Variants in MAN1C1 observed in about 807,000 individuals in gnomAD.
MAN1C1 encodes the protein mannosyl-oligosaccharide 1,2-alpha-mannosidase IC.
A neutral mutation model predicts 71.5 loss-of-function variants in MAN1C1; 49 were observed. The ratio of observed to expected loss-of-function variants is 0.69; its 90% CI spans 0.54 to 0.87. The LOEUF (loss-of-function observed/expected upper bound fraction) is 0.87, where lower values mean the gene tolerates loss of function less well. Among genes scored for constraint, MAN1C1 ranks in the 40% least tolerant of loss-of-function variants. The probability of loss-of-function intolerance (pLI) is 0.00; values close to 1 mark genes in which losing one functional copy is unlikely to be tolerated. For missense variants in MAN1C1, 743 were observed against 835.0 expected (o/e 0.89, Z 1.36); for synonymous variants, 352 against 343.7 (o/e 1.02, Z -0.27).
At chr1:25,732,489 GT>G (rs1247199367) in intron 2 of MAN1C1, among the ~76,000 whole-genome samples, 2 of 152,222 alleles carry the variant, frequency 1.3e-5, no homozygotes, top group Non-Finnish European at 2.9e-5. Context: ...CTCCTCAGGT[GT>G]TGTGAGACTT....
intron 2 of MAN1C1, among the ~76,000 whole-genome samples, chr1:25,723,003 G>A (rs2046786505): frequency 1.3e-5 from 2 of 152,148 alleles, no homozygotes; most frequent in Non-Finnish European, 2.9e-5. Flanking sequence ...CTTGTAGGGC[G>A]TACTCTTTGT....
intron 2 of MAN1C1, among the ~76,000 whole-genome samples, chr1:25,722,664 C>G (rs2046782289): frequency 6.6e-6 from 1 of 152,188 alleles, no homozygotes. Context: ...AAGTTTTCTT[C>G]TTCCTGCAGA....
intron 2 of MAN1C1, among the ~76,000 whole-genome samples, chr1:25,713,420 G>T (rs917094996): frequency 2.6e-5 from 4 of 152,210 alleles, no homozygotes; most frequent in Admixed American, 6.5e-5. Flanking sequence ...AAATTCATAC[G>T]CAGGTTTTGA....
At chr1:25,632,691 G>A (rs2045400492) in intron 1 of MAN1C1, among the ~76,000 whole-genome samples, 1 of 152,038 alleles carries the variant, frequency 6.6e-6, no homozygotes, top group Non-Finnish European at 1.5e-5. Flanking sequence ...TTGTGTCACT[G>A]TTATTCATTT....
At chr1:25,619,904 A>G (rs943251318) in intron 1 of MAN1C1, among the ~76,000 whole-genome samples, 3 of 152,190 alleles carry the variant, frequency 2.0e-5, no homozygotes, top group Non-Finnish European at 4.4e-5. Context: ...GCATGCATGC[A>G]GTTTTTCATG....
chr1:25,689,982 C>G (rs535361619), intron 2 of MAN1C1, among the ~76,000 whole-genome samples: 1 of 152,272 alleles, frequency 6.6e-6, no homozygotes, highest in African/African-American at 2.4e-5. Flanking sequence ...GGAGCTGCAG[C>G]GAGGGCAGTC....
intron 1 of MAN1C1, among the ~76,000 whole-genome samples, chr1:25,666,270 GTTCTCTGTCT>G (rs1470580282): frequency 6.6e-6 from 1 of 152,126 alleles, no homozygotes; most frequent in Admixed American, 6.6e-5. Context: ...TTGCATTTCG[GTTCTCTGTCT>G]TTTTGCGTCG....
At position 25,776,959 on chromosome 1, in the gene MAN1C1, G is replaced by A. The variant is rs2047626935; in HGVS notation, c.1258-1146G>A. On this transcript the variant is annotated intron_variant, in intron 8 of 11. Coordinates refer to ENST00000374332, the MANE Select transcript of MAN1C1 (RefSeq NM_020379.4). The surrounding 1 kb of genome is among the most constrained non-coding windows in gnomAD (Gnocchi z 4.3). ...ACACGTTAGGAAACTGAGGCACAGA[G>A]AGAACATACAACCTGCCCAGTGTCA... is the stretch of plus-strand genomic sequence containing the variant. Among the ~76,000 whole-genome samples the A allele has an allele frequency of 6.6e-6, 1 of 152,184 alleles. No individual in the cohort carries two copies. The highest frequency in any genetic ancestry group is 2.4e-5 in the African/African-American group (1 of 41,438).
chr1:25,768,467 C>T (rs1347532881), intron 7 of MAN1C1, among the ~76,000 whole-genome samples: 1 of 132,410 alleles, frequency 7.6e-6, no homozygotes, highest in Non-Finnish European at 1.6e-5. Context: ...TCCCCTCACA[C>T]ACACACATTA....
intron 3 of MAN1C1, 68 bp from the exon 4 acceptor site, chr1:25,749,187 T>G (rs1572192819): frequency 7.6e-7 from 1 of 1,319,406 alleles, no homozygotes; most frequent in Non-Finnish European, 1.1e-6. Context: ...GTGGCCAGGG[T>G]GACCTGTCTC....
At position 25,740,001 on chromosome 1, in the gene MAN1C1, G is replaced by A. The variant is rs183756297; in HGVS notation, c.638-6667G>A. Among the ~76,000 whole-genome samples the A allele has an allele frequency of 1.7e-4, 26 of 152,158 alleles. 1 individual carries two copies. Among genetic ancestry groups the A allele is most frequent in the Admixed American group, 1.0e-3 (16 of 15,302 alleles). Reference sequence around the variant, plus strand: ...CTTTCTTTCATTCCTAAATACTTACGGGCCCCCGTGGGGGCTGGAAAGTGT... The same window carrying A: ...CTTTCTTTCATTCCTAAATACTTACAGGCCCCCGTGGGGGCTGGAAAGTGT... On this transcript the variant is annotated intron_variant, in intron 2 of 11. Coordinates refer to ENST00000374332, the MANE Select transcript of MAN1C1 (RefSeq NM_020379.4).
chr1:25,684,502 T>C (rs1363181002), intron 1 of MAN1C1, among the ~76,000 whole-genome samples: 2 of 152,200 alleles, frequency 1.3e-5, no homozygotes, highest in African/African-American at 4.8e-5. Context: ...TGTGCTGCCA[T>C]GACCACTTCT....
chr1:25,756,917 C>G (rs17163220), intron 5 of MAN1C1, among the ~76,000 whole-genome samples: 12,526 of 152,170 alleles, frequency 0.082, 775 homozygotes, highest in East Asian at 0.23. Context: ...AGATCAGGAG[C>G]CAAGTTTCCC....
At chr1:25,684,371 C>T (rs972032473) in intron 1 of MAN1C1, among the ~76,000 whole-genome samples, 4 of 152,206 alleles carry the variant, frequency 2.6e-5, no homozygotes, top group Non-Finnish European at 5.9e-5. Flanking sequence ...CCATGCCAAG[C>T]CCTTGGCTGT....
chr1:25,738,653 A>G (rs1468309619), intron 2 of MAN1C1, among the ~76,000 whole-genome samples: 6 of 152,214 alleles, frequency 3.9e-5, no homozygotes, highest in Admixed American at 3.9e-4. Flanking sequence ...TGGTAGTATT[A>G]TCTGGAAGCT....
intron 1 of MAN1C1, among the ~76,000 whole-genome samples, chr1:25,666,690 G>A (rs2045929250): frequency 1.3e-5 from 2 of 152,214 alleles, no homozygotes; most frequent in South Asian, 4.1e-4. Flanking sequence ...GCTCAGAATT[G>A]AGAAAACCTG....
intron 5 of MAN1C1, among the ~76,000 whole-genome samples, chr1:25,755,468 A>G (rs886755167): frequency 1.3e-5 from 2 of 152,210 alleles, no homozygotes; most frequent in Non-Finnish European, 1.5e-5. Context: ...CACATTCACA[A>G]ACGAATATCC....
chr1:25,681,251 GA>G (rs1183474608), intron 1 of MAN1C1, among the ~76,000 whole-genome samples: 15 of 150,858 alleles, frequency 9.9e-5, no homozygotes, highest in African/African-American at 3.7e-4. Context: ...GAAAAGAAAA[GA>G]AAAAGTAAAA....
At chr1:25,723,682 G>T (rs930924003) in intron 2 of MAN1C1, among the ~76,000 whole-genome samples, 4 of 152,152 alleles carry the variant, frequency 2.6e-5, no homozygotes, top group African/African-American at 7.2e-5. Context: ...TCTTCTGTTG[G>T]GTTCCCTGAG....
Sources: gnomAD v4.1 joint callset for allele counts (sites outside exome capture counted in the v4.1 genomes callset) on GRCh38, gnomAD v4.1.1 for gene constraint, Gnocchi (gnomAD v3.1) non-coding constraint, MANE v1.5 for transcripts, NCBI Gene and HGNC (gene_info 2026-07-23, HGNC 2026-07-21) for gene names.